TULP4: variants seen among roughly 807,000 people sequenced by gnomAD.
The protein encoded by TULP4 is tubby-related protein 4.
TULP4 carries 16 observed loss-of-function variants against 129.0 expected under a neutral mutation model. The observed-to-expected ratio is 0.12, with a 90% CI of 0.08 to 0.19. The LOEUF is 0.19. TULP4 is among the 10% of genes least tolerant of loss of function. The pLI, the probability that TULP4 is intolerant of heterozygous loss-of-function variation, is 1.00. For missense variants in TULP4, 1,842 were observed against 2,059.1 expected (o/e 0.89, Z 2.04); for synonymous variants, 998 against 854.0 (o/e 1.17, Z -2.94).
intron 1 of TULP4, among the ~76,000 whole-genome samples, chr6:158,394,031 C>T (rs1777652189): frequency 6.6e-6 from 1 of 152,168 alleles, no homozygotes; most frequent in Admixed American, 6.5e-5. Flanking sequence ...TTTATGAACA[C>T]ATATGACTTC....
intron 1 of TULP4, among the ~76,000 whole-genome samples, chr6:158,382,085 G>A (rs1418612498): frequency 6.6e-6 from 1 of 152,176 alleles, no homozygotes; most frequent in African/African-American, 2.4e-5. Context: ...GGAGGTAGGT[G>A]CATTGCTTTG....
intron 1 of TULP4, among the ~76,000 whole-genome samples, chr6:158,331,730 T>TATAC (rs1375083724): frequency 6.5e-4 from 16 of 24,648 alleles, no homozygotes; most frequent in East Asian, 1.3e-3. Flanking sequence ...CACACACACA[T>TATAC]ACGTATATAT....
At chr6:158,476,773 G>C (rs919838640) in intron 6 of TULP4, among the ~76,000 whole-genome samples, 1 of 152,344 alleles carries the variant, frequency 6.6e-6, no homozygotes, top group South Asian at 2.1e-4. Flanking sequence ...TGGGGCTCAC[G>C]ATTTTGTATG....
At position 158,490,589 on chromosome 6, in the gene TULP4, C is replaced by T. The variant is rs79449520; in HGVS notation, c.1631+857C>T. ...CTGTCCAAATCGTAAACACCTAGCTCATTGTACAAGGGCTATCCCAGTGTC... is the reference window on the plus strand; with the variant it reads ...CTGTCCAAATCGTAAACACCTAGCTTATTGTACAAGGGCTATCCCAGTGTC... On this transcript the variant is annotated intron_variant, in intron 9 of 13. Coordinates refer to ENST00000367097, the MANE Select transcript of TULP4 (RefSeq NM_020245.5). 1.1e-4 allele frequency among the ~76,000 whole-genome samples: 17 copies of T among 152,256 alleles called. No homozygotes were observed. In the East Asian group the frequency reaches 3.1e-3, roughly 28 times the overall value.
upstream of TULP4, chr6:158,312,414 G>A (rs1444590510): frequency 6.9e-6 from 2 of 289,880 alleles, no homozygotes; most frequent in East Asian, 1.1e-4. Flanking sequence ...ATATTCTCCA[G>A]TTTAAAGAAG....
chr6:158,397,693 T>G (rs886159766), intron 1 of TULP4, among the ~76,000 whole-genome samples: 4 of 152,220 alleles, frequency 2.6e-5, no homozygotes, highest in African/African-American at 9.6e-5. Context: ...CCCACTCATG[T>G]GCCTGAGTGA....
chr6:158,404,883 C>CT (rs1777943464), intron 1 of TULP4, among the ~76,000 whole-genome samples: 1 of 151,666 alleles, frequency 6.6e-6, no homozygotes, highest in African/African-American at 2.4e-5. Flanking sequence ...ATACAGAGGG[C>CT]TCTGGATAGT....
intron 1 of TULP4, among the ~76,000 whole-genome samples, chr6:158,302,590 G>T (rs529372075): frequency 6.6e-6 from 1 of 152,270 alleles, no homozygotes; most frequent in South Asian, 2.1e-4. Flanking sequence ...TGAGAGAGCG[G>T]CCGCTGCTCA....
chr6:158,240,339 G>C (rs1377349892), intron 1 of TULP4, among the ~76,000 whole-genome samples: 1 of 75,348 alleles, frequency 1.3e-5, no homozygotes. Context: ...CTGGCCGGGC[G>C]GGGGGCTGAC....
At chr6:158,258,648 T>G (rs185572447) in intron 1 of TULP4, among the ~76,000 whole-genome samples, 1 of 152,204 alleles carries the variant, frequency 6.6e-6, no homozygotes, top group Non-Finnish European at 1.5e-5. Context: ...TCTGAAGCCT[T>G]GCATTAAAAT....
chr6:158,435,566 A>C (rs1022567051), intron 3 of TULP4, among the ~76,000 whole-genome samples: 2 of 151,532 alleles, frequency 1.3e-5, no homozygotes, highest in African/African-American at 4.9e-5. Context: ...CTAGGTTCCA[A>C]CCTCAGACCT....
chr6:158,442,054 C>T (rs1428033781), intron 3 of TULP4, among the ~76,000 whole-genome samples: 2 of 152,170 alleles, frequency 1.3e-5, no homozygotes, highest in African/African-American at 4.8e-5. Context: ...CCTCCTCCTC[C>T]CTCATTCTCC....
chr6:158,369,277 T>C (rs1777016727), intron 1 of TULP4, among the ~76,000 whole-genome samples: 1 of 152,100 alleles, frequency 6.6e-6, no homozygotes, highest in East Asian at 1.9e-4. Context: ...GAGGATCGCT[T>C]GAGCCTAGGA....
chr6:158,405,167 C>T (rs914706452), intron 1 of TULP4, among the ~76,000 whole-genome samples: 30 of 152,170 alleles, frequency 2.0e-4, no homozygotes, highest in African/African-American at 7.2e-4. Flanking sequence ...TTTAAATTCA[C>T]TGTCTAACAA....
intron 1 of TULP4, among the ~76,000 whole-genome samples, chr6:158,385,700 T>C (rs1777425051): frequency 6.9e-6 from 1 of 145,472 alleles, no homozygotes; most frequent in Non-Finnish European, 1.5e-5. Context: ...TTTATTACAG[T>C]GTGTGGTATG....
intron 9 of TULP4, among the ~76,000 whole-genome samples, chr6:158,491,097 C>G (rs1385480074): frequency 1.3e-5 from 2 of 152,132 alleles, no homozygotes; most frequent in Non-Finnish European, 2.9e-5. Context: ...TAGAAACTGC[C>G]GAGCAGTATT....
Position 158,313,180 on chromosome 6 carries a change from T to C in TULP4, c.-837T>C. ...AAGAGCGCTGGAACATTCTGCCTCTTGAGTGAAGGGGCCTTCTTTCTAGCC... is the reference window on the plus strand; with the variant it reads ...AAGAGCGCTGGAACATTCTGCCTCTCGAGTGAAGGGGCCTTCTTTCTAGCC... On this transcript the variant is annotated 5_prime_UTR_variant, in exon 1 of 14. Coordinates refer to ENST00000367097, the MANE Select transcript of TULP4 (RefSeq NM_020245.5). 3.6e-6 allele frequency: 1 copy of C among 278,020 alleles called. No individual in the cohort carries two copies. The highest frequency in any genetic ancestry group is 2.2e-5 in the African/African-American group (1 of 46,034). 17.2% of individuals were successfully genotyped at this position (278,020 alleles called of 1,614,324 possible).
chr6:158,353,579 A>C (rs987233336), intron 1 of TULP4, among the ~76,000 whole-genome samples: 1 of 152,172 alleles, frequency 6.6e-6, no homozygotes, highest in African/African-American at 2.4e-5. Flanking sequence ...TTTTTTCTGC[A>C]CTACCTGAAA....
upstream of TULP4, among the ~76,000 whole-genome samples, chr6:158,281,214 A>AT (rs56246802): frequency 0.076 from 10,914 of 143,938 alleles, 461 homozygotes; most frequent in Middle Eastern, 0.1. Context: ...TCCTGCCGTA[A>AT]TTTTTTTTTT....
Sources: gnomAD v4.1 joint callset for allele counts (sites outside exome capture counted in the v4.1 genomes callset) on GRCh38, gnomAD v4.1.1 for gene constraint, MANE v1.5 for transcripts, NCBI Gene and HGNC (gene_info 2026-07-23, HGNC 2026-07-21) for gene names.